Variants in CSMD1 observed in about 807,000 individuals in gnomAD.
CSMD1 encodes CUB and Sushi multiple domains 1.
CSMD1 carries 213 observed loss-of-function variants against 417.5 expected under a neutral mutation model. The observed-to-expected ratio is 0.51, with a 90% CI of 0.46 to 0.57. The LOEUF (loss-of-function observed/expected upper bound fraction) is 0.57. CSMD1 is among the 20% of genes least tolerant of loss of function. The probability of loss-of-function intolerance (pLI) is 0.00; values close to 1 mark genes in which losing one functional copy is unlikely to be tolerated. For missense variants in CSMD1, 6,923 were observed against 4,529.7 expected (o/e 1.53, Z -15.17); for synonymous variants, 2,862 against 1,736.8 (o/e 1.65, Z -16.11).
intron 1 of CSMD1, among the ~76,000 whole-genome samples, chr8:4,766,896 C>T (rs911512005): frequency 3.3e-5 from 5 of 152,058 alleles, no homozygotes; most frequent in South Asian, 2.1e-4. Flanking sequence ...TGATATTTTC[C>T]GCAGGGCTTG....
At chr8:4,080,127 T>C (rs990870971) in intron 3 of CSMD1, among the ~76,000 whole-genome samples, 11 of 151,764 alleles carry the variant, frequency 7.2e-5, no homozygotes, top group African/African-American at 2.7e-4. Context: ...TACACCCCCA[T>C]AGGTACACCT....
intron 5 of CSMD1, among the ~76,000 whole-genome samples, chr8:3,891,296 T>C (rs1348424034): frequency 6.6e-6 from 1 of 152,098 alleles, no homozygotes; most frequent in Non-Finnish European, 1.5e-5. Context: ...GTGATCTACC[T>C]GCCTCAACCT....
chr8:3,709,317 C>T (rs1348453310), intron 6 of CSMD1, among the ~76,000 whole-genome samples: 5 of 152,080 alleles, frequency 3.3e-5, no homozygotes, highest in Admixed American at 3.3e-4. Flanking sequence ...ACAGCAGCTG[C>T]GAGCAGGCAG....
intron 46 of CSMD1, among the ~76,000 whole-genome samples, chr8:3,104,716 T>C (rs1237079303): frequency 1.5e-4 from 22 of 150,716 alleles, no homozygotes; most frequent in Non-Finnish European, 2.7e-4. Flanking sequence ...TTTTCTTTTT[T>C]TTTTTTTTTG....
intron 3 of CSMD1, among the ~76,000 whole-genome samples, chr8:4,187,975 T>G (rs1272596909): frequency 6.6e-6 from 1 of 152,096 alleles, no homozygotes; most frequent in Non-Finnish European, 1.5e-5. Flanking sequence ...GTATTTTTAA[T>G]TCCCCTGCGT....
rs77588702 is a variant in CSMD1 at position 3,031,723 on chromosome 8, C to T, written c.7661-2210G>A. On this transcript the variant is annotated intron_variant, in intron 50 of 69. Coordinates refer to ENST00000635120, the MANE Select transcript of CSMD1 (RefSeq NM_033225.6). ...AAAAATTCCAATTTGGTTCACACAA[C>T]GGAATCAGACAATTTTTTGAGCTGA... Among the ~76,000 whole-genome samples the T allele has an allele frequency of 7.7e-3, 1,172 of 152,024 alleles. 20 individuals carry two copies. Among genetic ancestry groups the T allele is most frequent in the African/African-American group, 0.024 (977 of 41,520 alleles).
At chr8:3,584,576 C>T (rs966606731) in intron 9 of CSMD1, among the ~76,000 whole-genome samples, 3 of 152,052 alleles carry the variant, frequency 2.0e-5, no homozygotes, top group African/African-American at 7.2e-5. Flanking sequence ...TGAGAAAGGG[C>T]TTTGAGTTTA....
intron 7 of CSMD1, among the ~76,000 whole-genome samples, chr8:3,701,974 C>G (rs1336015185): frequency 6.6e-6 from 1 of 151,880 alleles, no homozygotes; most frequent in Non-Finnish European, 1.5e-5. Flanking sequence ...TGCTTCAGGT[C>G]TCTTTTTTTT....
chr8:4,846,535 C>T (rs993696119), intron 1 of CSMD1, among the ~76,000 whole-genome samples: 5 of 152,190 alleles, frequency 3.3e-5, no homozygotes, highest in African/African-American at 1.2e-4. Flanking sequence ...TTGGTCCAGC[C>T]ACAGGCTCCT....
chr8:3,275,530 A>G (rs1802216761), intron 26 of CSMD1, among the ~76,000 whole-genome samples: 1 of 152,180 alleles, frequency 6.6e-6, no homozygotes, highest in Admixed American at 6.5e-5. Context: ...GTGTTTTCCT[A>G]CTTGGTTCCA....
intron 1 of CSMD1, among the ~76,000 whole-genome samples, chr8:4,968,090 A>C (rs1809998699): frequency 6.6e-6 from 1 of 152,180 alleles, no homozygotes; most frequent in Non-Finnish European, 1.5e-5. Flanking sequence ...AATTTGTTTC[A>C]TGATGGATTT....
At chr8:3,823,844 T>G (rs1192870563) in intron 5 of CSMD1, among the ~76,000 whole-genome samples, 1 of 152,190 alleles carries the variant, frequency 6.6e-6, no homozygotes, top group Non-Finnish European at 1.5e-5. Flanking sequence ...TTAAAAAATT[T>G]TTAAATTAAC....
At chr8:3,547,437 G>A (rs901045709) in intron 10 of CSMD1, among the ~76,000 whole-genome samples, 1 of 152,106 alleles carries the variant, frequency 6.6e-6, no homozygotes, top group East Asian at 1.9e-4. Flanking sequence ...TACATATACA[G>A]ATGTATAAAC....
chr8:4,848,741 A>G (rs1205887755), intron 1 of CSMD1, among the ~76,000 whole-genome samples: 1 of 152,082 alleles, frequency 6.6e-6, no homozygotes, highest in African/African-American at 2.4e-5. Flanking sequence ...ACTGGGTTTC[A>G]CCATGCTGGC....
At chr8:4,063,246 C>G (rs1416153328) in intron 3 of CSMD1, among the ~76,000 whole-genome samples, 1 of 151,006 alleles carries the variant, frequency 6.6e-6, no homozygotes, top group African/African-American at 2.4e-5. Flanking sequence ...TCACATGTAT[C>G]CCATAAATAT....
intron 50 of CSMD1, among the ~76,000 whole-genome samples, chr8:3,051,630 T>G (rs1811823399): frequency 6.6e-6 from 1 of 152,192 alleles, no homozygotes; most frequent in African/African-American, 2.4e-5. Context: ...ATTCTATATG[T>G]ACTGACATGT....
At chr8:4,075,789 T>A in intron 3 of CSMD1, among the ~76,000 whole-genome samples, 1 of 152,100 alleles carries the variant, frequency 6.6e-6, no homozygotes, top group East Asian at 1.9e-4. Context: ...TCTCAAGAGG[T>A]TGTGATGACA....
intron 5 of CSMD1, among the ~76,000 whole-genome samples, chr8:3,992,820 C>G (rs1435502522): frequency 6.6e-6 from 1 of 152,252 alleles, no homozygotes. Context: ...AAAAACAATT[C>G]GCCCATTTTA....
At position 3,320,712 on chromosome 8, in the gene CSMD1, G is replaced by C. The variant is rs183697366; in HGVS notation, c.3632-12209C>G. Among the ~76,000 whole-genome samples, 105 of 152,252 alleles carry C rather than the reference G, an allele frequency of 6.9e-4. 2 individuals are homozygous for C. The highest frequency in any genetic ancestry group is 6.9e-3 in the Admixed American group (105 of 15,296). On this transcript the variant is annotated intron_variant, in intron 23 of 69. Coordinates refer to ENST00000635120, the MANE Select transcript of CSMD1 (RefSeq NM_033225.6). ...CTCATTCTTTGAAAGAATTTCTGCT[G>C]AGTGGGTGACTGCCATCCATCAGCC...
Sources: gnomAD v4.1 joint callset for allele counts (sites outside exome capture counted in the v4.1 genomes callset) on GRCh38, gnomAD v4.1.1 for gene constraint, MANE v1.5 for transcripts, NCBI Gene and HGNC (gene_info 2026-07-23, HGNC 2026-07-21) for gene names.